Variants in ARHGAP24 observed in about 807,000 individuals in gnomAD.
The protein encoded by ARHGAP24 is Rho GTPase activating protein 24.
A neutral mutation model predicts 76.4 loss-of-function variants in ARHGAP24; 50 were observed. The observed-to-expected ratio is 0.65, with a 90% confidence interval of 0.52 to 0.83. The LOEUF (loss-of-function observed/expected upper bound fraction) is 0.83, where lower values mean the gene tolerates loss of function less well. Among genes scored for constraint, ARHGAP24 ranks in the 40% least tolerant of loss-of-function variants. ARHGAP24 has a pLI of 0.00. For missense variants in ARHGAP24, 930 were observed against 914.2 expected, an observed-to-expected ratio of 1.02 and a Z score of -0.22; for synonymous variants, 345 against 323.3, an observed-to-expected ratio of 1.07 and a Z score of -0.72.
chr4:85,811,469 G>A (rs1729008971), intron 3 of ARHGAP24, among the ~76,000 whole-genome samples: 4 of 152,158 alleles, frequency 2.6e-5, no homozygotes, highest in South Asian at 2.1e-4. Flanking sequence ...ATATGCAAGG[G>A]GAGCTCACGG....
intron 3 of ARHGAP24, among the ~76,000 whole-genome samples, chr4:85,876,485 T>G (rs752562866): frequency 6.6e-6 from 1 of 152,186 alleles, no homozygotes; most frequent in Non-Finnish European, 1.5e-5. Context: ...CAAATACAAC[T>G]GTAAGATCTC....
chr4:85,816,926 T>C (rs980368915), intron 3 of ARHGAP24, among the ~76,000 whole-genome samples: 2 of 152,232 alleles, frequency 1.3e-5, no homozygotes, highest in African/African-American at 2.4e-5. Context: ...CTAATACTTA[T>C]TATCTTTTGT....
rs1354140295 is a variant in ARHGAP24, at chr4:86,000,724, C to T, written c.*2C>T. ...GGAAACACAATATGGATTCAGTGAGCCTGCTTTCGCCTGCTGTCTCTGATG... is the reference window on the plus strand; with the variant it reads ...GGAAACACAATATGGATTCAGTGAGTCTGCTTTCGCCTGCTGTCTCTGATG... On this transcript the variant is annotated 3_prime_UTR_variant, in exon 10 of 10. Coordinates refer to ENST00000395184, the MANE Select transcript of ARHGAP24 (RefSeq NM_001025616.3). 6 of 1,613,468 alleles carry T rather than the reference C, an allele frequency of 3.7e-6. No homozygotes were observed.
At chr4:85,828,474 T>C (rs1208053646) in intron 3 of ARHGAP24, among the ~76,000 whole-genome samples, 12 of 151,816 alleles carry the variant, frequency 7.9e-5, no homozygotes, top group Non-Finnish European at 1.6e-4. Flanking sequence ...CTTGTCAAAA[T>C]GAAAACAACT....
At chr4:85,568,795 GAGAC>G (rs1422311481) in intron 1 of ARHGAP24, among the ~76,000 whole-genome samples, 1 of 152,214 alleles carries the variant, frequency 6.6e-6, no homozygotes, top group African/African-American at 2.4e-5. Flanking sequence ...CGTATTGAAT[GAGAC>G]AGAAAATAGT....
At chr4:85,596,906 CATA>C (rs1719856645) in intron 2 of ARHGAP24, among the ~76,000 whole-genome samples, 1 of 151,846 alleles carries the variant, frequency 6.6e-6, no homozygotes, top group Non-Finnish European at 1.5e-5. Context: ...AACTAGATAT[CATA>C]ATATTTTAAG....
intron 1 of ARHGAP24, among the ~76,000 whole-genome samples, chr4:85,528,109 G>A (rs578131629): frequency 3.3e-5 from 5 of 152,146 alleles, no homozygotes; most frequent in African/African-American, 7.2e-5. Context: ...CTAACCCTGC[G>A]AGAGCTGAAG....
intron 3 of ARHGAP24, among the ~76,000 whole-genome samples, chr4:85,724,489 GTGTATATATATATA>G (rs1471381566): frequency 0.07 from 9,251 of 131,340 alleles, 444 homozygotes; most frequent in Middle Eastern, 0.11. Context: ...TTTTCCATGT[GTGTATATATATATA>G]TATATATATA....
At chr4:85,731,149 C>A (rs1389626462) in intron 3 of ARHGAP24, among the ~76,000 whole-genome samples, 2 of 74,734 alleles carry the variant, frequency 2.7e-5, no homozygotes, top group Non-Finnish European at 5.7e-5. Context: ...TCACACCCAT[C>A]TGCGCCCACA....
At chr4:85,536,586 G>A (rs1330542396) in intron 1 of ARHGAP24, among the ~76,000 whole-genome samples, 1 of 151,986 alleles carries the variant, frequency 6.6e-6, no homozygotes, top group African/African-American at 2.4e-5. Context: ...TGATTTAACT[G>A]GTAAACAAAA....
Position 85,706,174 on chromosome 4 carries a change from C to T in ARHGAP24, c.181-15711C>T, listed in dbSNP as rs148538404. Among the ~76,000 whole-genome samples, 272 of 152,266 alleles carry T rather than the reference C, an allele frequency of 1.8e-3. 2 individuals are homozygous for T. The highest frequency in any genetic ancestry group is 3.1e-3 in the Admixed American group (48 of 15,290). Reference sequence around the variant, plus strand: ...GGGGGATGAACTGAGTAACTTTAAACTACTTTATGTGATGTGTAGATGTAA... The same window carrying T: ...GGGGGATGAACTGAGTAACTTTAAATTACTTTATGTGATGTGTAGATGTAA... On this transcript the variant is annotated intron_variant, in intron 2 of 9. Coordinates refer to ENST00000395184, the MANE Select transcript of ARHGAP24 (RefSeq NM_001025616.3).
At chr4:85,885,961 C>T (rs1450206034) in intron 3 of ARHGAP24, among the ~76,000 whole-genome samples, 1 of 152,124 alleles carries the variant, frequency 6.6e-6, no homozygotes, top group Non-Finnish European at 1.5e-5. Flanking sequence ...GTGTCATCAT[C>T]AATTTCCTTG....
chr4:85,551,367 A>C (rs1726129662), intron 1 of ARHGAP24, among the ~76,000 whole-genome samples: 1 of 152,208 alleles, frequency 6.6e-6, no homozygotes, highest in Non-Finnish European at 1.5e-5. Context: ...CTTGCATCCC[A>C]GGGATAAAGC....
intron 3 of ARHGAP24, among the ~76,000 whole-genome samples, chr4:85,766,781 C>T (rs952863197): frequency 3.3e-5 from 5 of 152,146 alleles, no homozygotes; most frequent in Non-Finnish European, 7.4e-5. Flanking sequence ...TTGAGAACCA[C>T]AAACTATACT....
At chr4:85,833,277 G>A (rs931934026) in intron 3 of ARHGAP24, among the ~76,000 whole-genome samples, 4 of 152,136 alleles carry the variant, frequency 2.6e-5, no homozygotes, top group East Asian at 1.9e-4. Context: ...AGTTGCTATC[G>A]GAATAGACTG....
At chr4:85,776,425 C>T (rs1727311834) in intron 3 of ARHGAP24, among the ~76,000 whole-genome samples, 1 of 152,028 alleles carries the variant, frequency 6.6e-6, no homozygotes, top group South Asian at 2.1e-4. Context: ...GGAGTGTGTC[C>T]CAGGACCCTA....
At chr4:85,847,239 C>G (rs1179877180) in intron 3 of ARHGAP24, among the ~76,000 whole-genome samples, 1 of 151,900 alleles carries the variant, frequency 6.6e-6, no homozygotes, top group African/African-American at 2.4e-5. Flanking sequence ...AGAAATTTTG[C>G]TTGATTCATT....
intron 8 of ARHGAP24, chr4:85,992,212 C>G: frequency 2.5e-6 from 1 of 397,138 alleles, no homozygotes; most frequent in Non-Finnish European, 4.4e-6. Flanking sequence ...ATAGTGTGTA[C>G]AGTGGCACAC....
chr4:85,773,035 C>G (rs1307277207), intron 3 of ARHGAP24, among the ~76,000 whole-genome samples: 2 of 152,142 alleles, frequency 1.3e-5, no homozygotes, highest in Non-Finnish European at 2.9e-5. Flanking sequence ...TGAAAAATGT[C>G]TTTTACATAA....
Sources: allele counts gnomAD v4.1 joint callset (sites outside exome capture counted in the v4.1 genomes callset), GRCh38; gene constraint gnomAD v4.1.1; transcripts MANE v1.5; gene names NCBI Gene and HGNC (gene_info 2026-07-23, HGNC 2026-07-21).